The following WDR45B variants were observed in gnomAD, a reference collection of about 807,000 sequenced individuals.
The protein encoded by WDR45B is WD repeat domain phosphoinositide-interacting protein 3.
A neutral mutation model predicts 44.6 loss-of-function variants in WDR45B; 20 were observed. The observed-to-expected ratio is 0.45, with a 90% CI of 0.32 to 0.65. The LOEUF is 0.65. Among genes scored for constraint, WDR45B ranks in the 30% least tolerant of loss-of-function variants. The probability of loss-of-function intolerance (pLI) is 0.05; values close to 1 mark genes in which losing one functional copy is unlikely to be tolerated. For missense variants in WDR45B, 323 were observed against 430.2 expected (o/e 0.75, Z 2.20); for synonymous variants, 169 against 164.9 (o/e 1.02, Z -0.19).
In WDR45B at chr17:82,644,039, A is replaced by G. The variant is rs765669407; in HGVS notation, c.68-16T>C. The G allele has an allele frequency of 1.9e-6, 3 of 1,613,742 alleles. No individual in the cohort carries two copies. The highest frequency in any genetic ancestry group is 2.5e-6 in the Non-Finnish European group (3 of 1,179,686). ...GCAAAGCATCCTAAAGCAGAAGTGT[A>G]AAAGAGACATTAATCCCCAGGCCTG... On this transcript the variant is annotated splice_polypyrimidine_tract_variant and intron_variant, in intron 1 of 9. Transcript: ENST00000392325.
At chr17:82,619,593 T>A (rs899809179) in intron 6 of WDR45B, among the ~76,000 whole-genome samples, 1 of 151,280 alleles carries the variant, frequency 6.6e-6, no homozygotes, top group Non-Finnish European at 1.5e-5. Context: ...CTTAAACCCA[T>A]CCATGTCAGC....
intron 2 of WDR45B, among the ~76,000 whole-genome samples, chr17:82,639,182 C>T (rs2143359250): frequency 6.6e-6 from 1 of 152,078 alleles, no homozygotes; most frequent in Non-Finnish European, 1.5e-5. Context: ...ATGCTATTCT[C>T]TACTTTCTTT....
At position 82,642,570 on chromosome 17, in the gene WDR45B, CAGTCTGA is replaced by C. The variant is rs530510519; in HGVS notation, c.142+1372_142+1378del. ...GTGGGAACCCCAACTTGAAGCCAGT[CAGTCTGA>C]AGTTTAGGAGGCCCAGACTCATGCA... On this transcript the variant is annotated intron_variant, in intron 2 of 9. Transcript: ENST00000392325. Among the ~76,000 whole-genome samples, 354 of 152,296 alleles carry C rather than the reference CAGTCTGA, an allele frequency of 2.3e-3. 3 individuals carry two copies. The highest frequency in any genetic ancestry group is 8.2e-3 in the African/African-American group (340 of 41,554).
rs1419865007 is a variant in WDR45B at position 82,648,268 on chromosome 17, C to T, written c.67+6G>A. ...CGGGCAAGGCGACAGGGCCGCGCCT[C>T]CTCACCGTGGTCCTGGTTGAAGCCG... is the stretch of plus-strand genomic sequence containing the variant. On this transcript the variant is annotated splice_donor_region_variant and intron_variant, in intron 1 of 9. Transcript: ENST00000392325. 19 of 1,604,508 alleles carry T rather than the reference C, an allele frequency of 1.2e-5. No individual in the cohort carries two copies. Among genetic ancestry groups the T allele is most frequent in the Non-Finnish European group, 1.6e-5 (19 of 1,177,234 alleles).
intron 5 of WDR45B, among the ~76,000 whole-genome samples, chr17:82,623,647 G>A (rs960745207): frequency 2.0e-5 from 3 of 150,612 alleles, no homozygotes; most frequent in Middle Eastern, 3.4e-3. Context: ...GCAGTGAGCC[G>A]AGATCATGCC....
At chr17:82,635,704 T>C (rs2045824060) in intron 2 of WDR45B, among the ~76,000 whole-genome samples, 1 of 151,920 alleles carries the variant, frequency 6.6e-6, no homozygotes, top group African/African-American at 2.4e-5. Context: ...ATTACAGGCA[T>C]TAGCCACTGT....
At chr17:82,639,609 C>T (rs1011895384) in intron 2 of WDR45B, among the ~76,000 whole-genome samples, 2 of 150,906 alleles carry the variant, frequency 1.3e-5, no homozygotes, top group Admixed American at 6.6e-5. Context: ...GCACACAGCA[C>T]GAAGCCTGCA....
chr17:82,641,419 T>A (rs147826802), intron 2 of WDR45B, among the ~76,000 whole-genome samples: 1 of 152,154 alleles, frequency 6.6e-6, no homozygotes, highest in Non-Finnish European at 1.5e-5. Context: ...CTTGTTACAA[T>A]CTTTTGTTAT....
At chr17:82,635,288 A>G (rs2045818230) in intron 2 of WDR45B, among the ~76,000 whole-genome samples, 1 of 151,976 alleles carries the variant, frequency 6.6e-6, no homozygotes, top group Non-Finnish European at 1.5e-5. Flanking sequence ...GAGTGACCTG[A>G]GAATTATGTC....
At chr17:82,641,076 G>A (rs545755894) in intron 2 of WDR45B, among the ~76,000 whole-genome samples, 54 of 147,120 alleles carry the variant, frequency 3.7e-4, no homozygotes, top group Non-Finnish European at 6.1e-4. Context: ...AGTGATTCTC[G>A]TGCCTCAACC....
chr17:82,647,021 C>G (rs1024604418), intron 1 of WDR45B, among the ~76,000 whole-genome samples: 1 of 152,084 alleles, frequency 6.6e-6, no homozygotes, highest in Non-Finnish European at 1.5e-5. Context: ...CACCTGAGGT[C>G]AGATTGAGAC....
At chr17:82,647,917 G>A (rs927217356) in intron 1 of WDR45B, among the ~76,000 whole-genome samples, 2 of 150,914 alleles carry the variant, frequency 1.3e-5, no homozygotes, top group Non-Finnish European at 2.9e-5. Flanking sequence ...GGGAACCCGA[G>A]TGGGCGTGGC....
At chr17:82,619,575 T>C (rs74002909) in intron 6 of WDR45B, among the ~76,000 whole-genome samples, 2 of 139,184 alleles carry the variant, frequency 1.4e-5, no homozygotes, top group South Asian at 4.7e-4. Context: ...AAAAAAAAAA[T>C]AAAAGGACTT....
At chr17:82,621,582 C>T (rs752060888) in intron 6 of WDR45B, 27 bp downstream of exon 6, 7 of 1,613,826 alleles carry the variant, frequency 4.3e-6, no homozygotes, top group Non-Finnish European at 5.9e-6. Context: ...GGAGGCACAA[C>T]ACCAACAAGG....
intron 4 of WDR45B, chr17:82,626,809 C>T (rs913674411): frequency 3.7e-6 from 1 of 268,286 alleles, no homozygotes; most frequent in African/African-American, 2.2e-5. Flanking sequence ...TTTCCTTTAC[C>T]TTCAAACCGA....
intron 3 of WDR45B, among the ~76,000 whole-genome samples, chr17:82,627,586 G>A (rs570660687): frequency 9.2e-5 from 14 of 152,316 alleles, no homozygotes; most frequent in Middle Eastern, 6.8e-3. Context: ...TGCACAGCCC[G>A]GTCCTGTTCT....
At chr17:82,616,330 G>A (rs191223323) in intron 9 of WDR45B, among the ~76,000 whole-genome samples, 194 bp downstream of exon 9, 127 of 152,374 alleles carry the variant, frequency 8.3e-4, no homozygotes, top group African/African-American at 3.0e-3. Context: ...AGGGATGGGG[G>A]CTGAAGACAT....
chr17:82,638,123 T>C (rs887080420), intron 2 of WDR45B, among the ~76,000 whole-genome samples: 4 of 142,196 alleles, frequency 2.8e-5, no homozygotes, highest in African/African-American at 1.1e-4. Flanking sequence ...GAGGTGGAGG[T>C]TGCAGTGAGC....
Position 82,614,847 on chromosome 17 carries a change from C to T in WDR45B, c.*1072G>A, listed in dbSNP as rs2045508756. The T allele has an allele frequency of 6.6e-6, 1 of 152,112 alleles. No homozygotes were observed. Among genetic ancestry groups the T allele is most frequent in the Admixed American group, 6.5e-5 (1 of 15,274 alleles). 9.4% of individuals were successfully genotyped at this position (152,112 alleles called of 1,614,324 possible). Reference sequence around the variant, plus strand: ...ATTTAAGAAAATTAAATATATATCCCAAGTAGCTGACAATGTAGAGCCCAT... The same window carrying T: ...ATTTAAGAAAATTAAATATATATCCTAAGTAGCTGACAATGTAGAGCCCAT... On this transcript the variant is annotated 3_prime_UTR_variant, in exon 10 of 10. Coordinates refer to ENST00000392325, the MANE Select transcript of WDR45B (RefSeq NM_019613.4).
Sources: gnomAD v4.1 joint callset for allele counts (sites outside exome capture counted in the v4.1 genomes callset) on GRCh38, gnomAD v4.1.1 for gene constraint, MANE v1.5 for transcripts, NCBI Gene and HGNC (gene_info 2026-07-23, HGNC 2026-07-21) for gene names.